The following ITPK1 variants were observed in gnomAD, a reference collection of about 807,000 sequenced individuals.
ITPK1 encodes the protein inositol-tetrakisphosphate 1-kinase, also known as inositol 1,3,4-trisphosphate 5/6-kinase.
A neutral mutation model predicts 45.3 loss-of-function variants in ITPK1; 21 were observed. That is an observed-to-expected ratio of 0.46 (90% CI 0.33 to 0.67). The LOEUF (loss-of-function observed/expected upper bound fraction) is 0.67. Among genes scored for constraint, ITPK1 ranks in the 30% least tolerant of loss-of-function variants. ITPK1 has a pLI of 0.02. For synonymous variants in ITPK1, 258 were observed against 253.6 expected, an observed-to-expected ratio of 1.02 and a Z score of -0.16; for missense variants, 474 against 573.5, an observed-to-expected ratio of 0.83 and a Z score of 1.77.
chr14:92,955,084 G>T (rs1882585867), intron 8 of ITPK1, among the ~76,000 whole-genome samples: 1 of 152,238 alleles, frequency 6.6e-6, no homozygotes, highest in African/African-American at 2.4e-5. Flanking sequence ...TGGTAGGTTT[G>T]ATAAATGCTG....
At chr14:93,066,061 T>G (rs1890730739) in intron 3 of ITPK1, 1 of 266,358 alleles carries the variant, frequency 3.8e-6, no homozygotes, top group Non-Finnish European at 7.7e-6. Context: ...CTTCCCAAGA[T>G]TTCCACAAGT....
Position 92,962,809 on chromosome 14 carries a change from G to T in ITPK1, c.405C>A (p.Ser135Arg), listed in dbSNP as rs1214676818. ...GCCGCATGGTGTCATCCCCGCACAG[G>T]CTCGTGAGCTCCATGAAGGGTGGCG... is the stretch of plus-strand genomic sequence containing the variant. The part of the protein sequence containing the change: ...ICSPPFMELT[S>R]LCGDDTMRLL... Residue 135 changes from serine (S) to arginine (R), a missense_variant, in exon 6 of 11, where the codon AGC becomes AGA. By Grantham distance (110) the Ser-to-Arg change is moderately radical. This residue lies in a region of ITPK1 where 367 missense variants were observed against 480.6 expected (regional missense o/e 0.76). Coordinates refer to ENST00000267615, the MANE Select transcript of ITPK1 (RefSeq NM_014216.6). 6.2e-7 allele frequency: 1 copy of T among 1,613,908 alleles called. No homozygotes were observed. The highest frequency in any genetic ancestry group is 1.7e-5 in the Admixed American group (1 of 60,000).
At chr14:93,086,349 A>C (rs1394767708) in intron 2 of ITPK1, among the ~76,000 whole-genome samples, 3 of 151,710 alleles carry the variant, frequency 2.0e-5, no homozygotes. Flanking sequence ...TGCTGCCAAC[A>C]CTCCTTACCT....
At chr14:93,001,099 C>T (rs1392812268) in intron 4 of ITPK1, among the ~76,000 whole-genome samples, 2 of 150,658 alleles carry the variant, frequency 1.3e-5, no homozygotes, top group Non-Finnish European at 2.9e-5. Flanking sequence ...TAGAGACCAG[C>T]CTGGCCAACA....
chr14:92,992,432 GC>G (rs1289149840), intron 5 of ITPK1, among the ~76,000 whole-genome samples: 4 of 152,244 alleles, frequency 2.6e-5, no homozygotes, highest in Non-Finnish European at 5.9e-5. Flanking sequence ...CACAGCAGAG[GC>G]CAATCACTCC....
At chr14:92,942,092 G>A (rs769000264) in intron 10 of ITPK1, among the ~76,000 whole-genome samples, 188 bp from the exon 11 acceptor site, 4 of 152,166 alleles carry the variant, frequency 2.6e-5, no homozygotes, top group Non-Finnish European at 4.4e-5. Context: ...AAGCTTGGAC[G>A]CCCAACCAGG....
At chr14:93,052,565 C>G (rs1294426391) in intron 3 of ITPK1, among the ~76,000 whole-genome samples, 1 of 152,154 alleles carries the variant, frequency 6.6e-6, no homozygotes, top group Non-Finnish European at 1.5e-5. Flanking sequence ...AAAGGAACCC[C>G]CAGTGGGGTA....
Position 92,939,032 on chromosome 14 carries a change from C to T in ITPK1, c.*2529G>A, listed in dbSNP as rs543666422. 1 of 158,168 alleles carries T rather than the reference C, an allele frequency of 6.3e-6. No homozygotes were observed. The highest frequency in any genetic ancestry group is 1.4e-5 in the Non-Finnish European group (1 of 71,920). 9.8% of individuals were successfully genotyped at this position (158,168 alleles called of 1,614,324 possible). A position where few individuals can be genotyped will look rare whatever the true frequency, so the allele number is the denominator to read the frequency against. On this transcript the variant is annotated 3_prime_UTR_variant, in exon 11 of 11. Transcript: ENST00000267615. ...GGCGCAGAGCCAACGTGCTGACCAACTCAGAAGCAGAAGCTTAGGAACCAG... is the reference window on the plus strand; with the variant it reads ...GGCGCAGAGCCAACGTGCTGACCAATTCAGAAGCAGAAGCTTAGGAACCAG...
intron 2 of ITPK1, among the ~76,000 whole-genome samples, chr14:93,101,679 T>A (rs575016365): frequency 3.9e-5 from 6 of 152,172 alleles, no homozygotes; most frequent in African/African-American, 1.4e-4. Flanking sequence ...CAAAACCCCA[T>A]CTCTACTAAA....
Position 93,016,714 on chromosome 14 carries a change from T to A in ITPK1, c.208A>T (p.Asn70Tyr). The A allele has an allele frequency of 6.2e-7, 1 of 1,614,114 alleles. No individual in the cohort carries two copies. Among genetic ancestry groups the A allele is most frequent in the East Asian group, 2.2e-5 (1 of 44,884 alleles). ...LTDVILEADQNDSQSLELVHR... is the reference protein window; with the variant it reads ...LTDVILEADQYDSQSLELVHR... ...ACCAGCTCCAGGGACTGGCTATCAT[T>A]CTGGTCGGCTTCAAGGATGACGTCA... Residue 70 changes from asparagine to tyrosine, a missense_variant, in exon 4 of 11, where the codon AAT becomes TAT. Around this residue, in one of 2 missense-constraint regions of ITPK1, gnomAD observed 367 missense variants for 480.6 expected, o/e 0.76. Coordinates refer to ENST00000267615, the MANE Select transcript of ITPK1 (RefSeq NM_014216.6). This position sits in a 1 kb window ranked among gnomAD's most constrained non-coding sequence, Gnocchi z 5.0.
At chr14:93,110,115 C>T (rs1892685719) in intron 2 of ITPK1, among the ~76,000 whole-genome samples, 1 of 152,140 alleles carries the variant, frequency 6.6e-6, no homozygotes, top group Admixed American at 6.5e-5. Flanking sequence ...TCATGGGGCA[C>T]ATAGGCAGTC....
In ITPK1 at chr14:93,084,527, G is replaced by C. The variant is rs572522893; in HGVS notation, c.96-7908C>G. 2.6e-5 allele frequency among the ~76,000 whole-genome samples: 4 copies of C among 152,296 alleles called. No homozygotes were observed. The South Asian group carries it at 8.3e-4, about 32-fold the overall frequency. ...GCCCCCGAGAGTCTCTGGATCCAGA[G>C]TGCATGCTGAATGAGTTGTGAGTAA... On this transcript the variant is annotated intron_variant, in intron 2 of 10. Transcript: ENST00000267615.
rs145691415 is a variant in ITPK1 at position 92,975,507 on chromosome 14, C to T, written c.365-12658G>A. Among the ~76,000 whole-genome samples, 972 of 152,246 alleles carry T rather than the reference C, an allele frequency of 6.4e-3. 12 individuals carry two copies. The highest frequency in any genetic ancestry group is 0.022 in the African/African-American group (908 of 41,554). On this transcript the variant is annotated intron_variant, in intron 5 of 10. Transcript: ENST00000267615. ...ACACAGCAGGCCTGCCATGGTGGGA[C>T]GCTTAATTCTTGTCAGCTTGACTGG... is the stretch of plus-strand genomic sequence containing the variant.
chr14:93,096,060 G>A (rs1258687957), intron 2 of ITPK1, among the ~76,000 whole-genome samples: 5 of 152,100 alleles, frequency 3.3e-5, no homozygotes. Flanking sequence ...GAGAAACCTG[G>A]CCCTGCCTGC....
At chr14:93,030,955 C>T (rs1889017716) in intron 3 of ITPK1, among the ~76,000 whole-genome samples, 1 of 152,124 alleles carries the variant, frequency 6.6e-6, no homozygotes, top group Non-Finnish European at 1.5e-5. Context: ...TTCTACATTC[C>T]CGGGAACGCC....
chr14:92,938,794 G>T lies in ITPK1; in HGVS notation c.*2767C>A. ...GGGGACACCCAGCAGCTGGCACTCA[G>T]TTGGGGGGTTATGTTTGCAGAATCA... On this transcript the variant is annotated 3_prime_UTR_variant, in exon 11 of 11. Transcript: ENST00000267615. 1.7e-6 allele frequency: 1 copy of T among 583,348 alleles called. No individual in the cohort carries two copies. Among genetic ancestry groups the T allele is most frequent in the Non-Finnish European group, 3.0e-6 (1 of 328,356 alleles). 36.1% of individuals were successfully genotyped at this position (583,348 alleles called of 1,614,324 possible).
chr14:93,055,035 C>G (rs1003024051), intron 3 of ITPK1, among the ~76,000 whole-genome samples: 6 of 152,178 alleles, frequency 3.9e-5, no homozygotes, highest in Non-Finnish European at 7.3e-5. Flanking sequence ...AGTAGCTTGG[C>G]CTGGTCAAGA....
At chr14:92,945,453 G>A (rs1396469091) in intron 10 of ITPK1, among the ~76,000 whole-genome samples, 3 of 152,232 alleles carry the variant, frequency 2.0e-5, no homozygotes, top group African/African-American at 7.2e-5. Flanking sequence ...TTTCCTGAAC[G>A]TTTTTGCACC....
chr14:92,941,333 A>G lies in ITPK1; in HGVS notation c.*228T>C, dbSNP rs533982620. The G allele has an allele frequency of 4.1e-5, 58 of 1,412,198 alleles. 1 individual carries two copies. The East Asian group carries it at 6.1e-4, about 15-fold the overall frequency. The allele number at this position is 1,412,198 out of a possible 1,614,324, so 87.5% of individuals were successfully genotyped here. ...AACTCAGTTAGGAGGTCTGCACAGT[A>G]GAGAGCAGGCGGACGGCCCCACTCC... On this transcript the variant is annotated 3_prime_UTR_variant, in exon 11 of 11. Transcript: ENST00000267615.
Sources: gnomAD v4.1 joint callset for allele counts (sites outside exome capture counted in the v4.1 genomes callset) on GRCh38, gnomAD v4.1.1 for gene constraint, gnomAD v4.1.1 regional missense constraint, Gnocchi (gnomAD v3.1) non-coding constraint, MANE v1.5 for transcripts, NCBI Gene and HGNC (gene_info 2026-07-23, HGNC 2026-07-21) for gene names.